ANGPTL4: variants seen among roughly 807,000 people sequenced by gnomAD.
The protein encoded by ANGPTL4 is angiopoietin like 4, also known as angiopoietin-related protein 4.
ANGPTL4 carries 39 observed loss-of-function variants against 39.2 expected under a neutral mutation model. That is an observed-to-expected ratio of 1.00 (90% CI 0.77 to 1.30). The LOEUF (loss-of-function observed/expected upper bound fraction) is 1.30. Ranked by LOEUF, ANGPTL4 falls within the 50% of genes most tolerant of loss-of-function variation. The probability of loss-of-function intolerance (pLI) is 0.00; values close to 1 mark genes in which losing one functional copy is unlikely to be tolerated. For synonymous variants in ANGPTL4, 233 were observed against 229.5 expected, an observed-to-expected ratio of 1.02 and a Z score of -0.14; for missense variants, 545 against 549.8, an observed-to-expected ratio of 0.99 and a Z score of 0.09.
rs775389766 is a variant in ANGPTL4, at chr19:8,364,606, C to T, written c.285C>T (p.Ser95=). ...GSTDLPLAPE[S]RVDPEVLHSL... is the part of the protein sequence containing the mutation. ...CCGACCTCCCGTTAGCCCCTGAGAG[C>T]CGGGTGGACCCTGAGGTCCTTCACA... Residue 95 remains serine, a synonymous_variant, in exon 1 of 7, where the codon AGC becomes AGT. Transcript: ENST00000301455. 2.5e-6 allele frequency: 4 copies of T among 1,592,390 alleles called. No individual in the cohort carries two copies. Among genetic ancestry groups the T allele is most frequent in the Non-Finnish European group, 3.4e-6 (4 of 1,170,626 alleles).
chr19:8,369,373 G>A (rs1401905488), intron 4 of ANGPTL4, 41 bp downstream of exon 4: 1 of 1,438,622 alleles, frequency 7.0e-7, no homozygotes, highest in Non-Finnish European at 9.7e-7. Flanking sequence ...CTCCCCATAG[G>A]CCCTGTTGTC....
Position 8,366,075 on chromosome 19 carries a change from G to A in ANGPTL4, c.429+11G>A. On this transcript the variant is annotated intron_variant, in intron 2 of 6. Coordinates refer to ENST00000301455, the MANE Select transcript of ANGPTL4 (RefSeq NM_139314.3). Reference sequence around the variant, plus strand: ...CATCTGCAAAGCCAGGTAACCCTAGGATCAAGGGAGAAAAGGTCCCTCTGA... The same window carrying A: ...CATCTGCAAAGCCAGGTAACCCTAGAATCAAGGGAGAAAAGGTCCCTCTGA... 2 of 1,613,646 alleles carry A rather than the reference G, an allele frequency of 1.2e-6. No individual in the cohort carries two copies. Among genetic ancestry groups the A allele is most frequent in the South Asian group, 2.2e-5 (2 of 91,052 alleles).
chr19:8,373,990 C>A lies in ANGPTL4; in HGVS notation c.*104C>A. On this transcript the variant is annotated 3_prime_UTR_variant, in exon 7 of 7. Transcript: ENST00000301455. ...CTGGGCAGGGGCTCCAAGGAGGGGC[C>A]ATCTGGAAACTTGTGGACAGAGAAG... The A allele has an allele frequency of 7.6e-7, 1 of 1,307,544 alleles. No individual in the cohort carries two copies. The highest frequency in any genetic ancestry group is 1.1e-6 in the Non-Finnish European group (1 of 920,454). The allele number at this position is 1,307,544 out of a possible 1,614,324, so 81.0% of individuals were successfully genotyped here. A position where few individuals can be genotyped will look rare whatever the true frequency, so the allele number is the denominator to read the frequency against.
chr19:8,366,735 C>G (rs1052299635), intron 3 of ANGPTL4, among the ~76,000 whole-genome samples: 6 of 151,942 alleles, frequency 3.9e-5, no homozygotes, highest in Non-Finnish European at 7.4e-5. Flanking sequence ...TTTGGGCCCT[C>G]CACAATGTCT....
At position 8,371,191 on chromosome 19, in the gene ANGPTL4, G is replaced by C; in HGVS notation, c.757+40G>C. The C allele has an allele frequency of 6.2e-7, 1 of 1,614,092 alleles. No homozygotes were observed. The highest frequency in any genetic ancestry group is 8.5e-7 in the Non-Finnish European group (1 of 1,180,018). ...TGGGGACAGAGGCAGGGGAGGAAGA[G>C]GGACCCTCAGAAGTGGCCCTGCCTC... is the stretch of plus-strand genomic sequence containing the variant. On this transcript the variant is annotated intron_variant, in intron 5 of 6. Coordinates refer to ENST00000301455, the MANE Select transcript of ANGPTL4 (RefSeq NM_139314.3). The surrounding 1 kb of genome is among the most constrained non-coding windows in gnomAD (Gnocchi z 5.1).
At chr19:8,370,921 C>G (rs1272179189) in intron 4 of ANGPTL4, 135 bp from the exon 5 acceptor site, 17 of 968,152 alleles carry the variant, frequency 1.8e-5, no homozygotes, top group Admixed American at 4.0e-5. Context: ...CCACCCTCCT[C>G]GAGTCCTCCA....
intron 4 of ANGPTL4, 75 bp from the exon 5 acceptor site, chr19:8,370,981 G>A: frequency 6.6e-7 from 1 of 1,512,630 alleles, no homozygotes; most frequent in Non-Finnish European, 9.0e-7. Context: ...GGGGTTTGGT[G>A]CTTGGCAGCC....
intron 6 of ANGPTL4, among the ~76,000 whole-genome samples, chr19:8,373,031 G>A (rs1161000251): frequency 6.6e-6 from 1 of 152,206 alleles, no homozygotes; most frequent in African/African-American, 2.4e-5. Context: ...CACTTTGGGA[G>A]GCCGAGGTGG....
rs751529988 is a variant in ANGPTL4, at chr19:8,366,331, C to T, written c.547+12C>T. 4.3e-6 allele frequency: 7 copies of T among 1,611,896 alleles called. No individual in the cohort carries two copies. The African/African-American group carries it at 5.3e-5, about 12-fold the overall frequency. On this transcript the variant is annotated intron_variant, in intron 3 of 6. Coordinates refer to ENST00000301455, the MANE Select transcript of ANGPTL4 (RefSeq NM_139314.3). The stretch of plus-strand genomic sequence containing the variant: ...CAGCCGCCTGCACCGTGAGTGTCTG[C>T]CCCTCGATGCTCTCCGGTGGCCACC...
At chr19:8,367,606 G>A (rs553136370) in intron 3 of ANGPTL4, among the ~76,000 whole-genome samples, 1 of 152,024 alleles carries the variant, frequency 6.6e-6, no homozygotes, top group Non-Finnish European at 1.5e-5. Context: ...CTACTTTTCC[G>A]GCTGGGCTGG....
chr19:8,373,925 G>T lies in ANGPTL4; in HGVS notation c.*39G>T. ...CCTGGTCCCAGGCCCACGAAAGACGGTGACTCTTGGCTCTGCCCGAGGATG... is the reference window on the plus strand; with the variant it reads ...CCTGGTCCCAGGCCCACGAAAGACGTTGACTCTTGGCTCTGCCCGAGGATG... On this transcript the variant is annotated 3_prime_UTR_variant, in exon 7 of 7. Transcript: ENST00000301455. 6.2e-7 allele frequency: 1 copy of T among 1,605,076 alleles called. No homozygotes were observed. The highest frequency in any genetic ancestry group is 8.5e-7 in the Non-Finnish European group (1 of 1,174,728).
rs766397887 is a variant in ANGPTL4 at position 8,364,353 on chromosome 19, T to C, written c.32T>C (p.Leu11Pro). The change falls in exon 1 of 7, where the codon CTG (leucine) becomes CCG (proline). Residue 11 changes from leucine (L) to proline (P), a missense_variant. Coordinates refer to ENST00000301455, the MANE Select transcript of ANGPTL4 (RefSeq NM_139314.3). MSGAPTAGAA[L>P]MLCAATAVLL... is the part of the protein sequence containing the mutation. ...GGTGCTCCGACGGCCGGGGCAGCCC[T>C]GATGCTCTGCGCCGCCACCGCCGTG... 7.7e-6 allele frequency: 12 copies of C among 1,549,024 alleles called. No individual in the cohort carries two copies. The East Asian group carries it at 2.9e-4, about 37-fold the overall frequency.
At position 8,373,927 on chromosome 19, in the gene ANGPTL4, G is replaced by T. The variant is rs762840385; in HGVS notation, c.*41G>T. 2.5e-6 allele frequency: 4 copies of T among 1,603,962 alleles called. No individual in the cohort carries two copies. The East Asian group carries it at 8.9e-5, about 36-fold the overall frequency. ...TGGTCCCAGGCCCACGAAAGACGGT[G>T]ACTCTTGGCTCTGCCCGAGGATGTG... is the stretch of plus-strand genomic sequence containing the variant. On this transcript the variant is annotated 3_prime_UTR_variant, in exon 7 of 7. Transcript: ENST00000301455.
At chr19:8,372,992 G>T (rs1218047428) in intron 6 of ANGPTL4, among the ~76,000 whole-genome samples, 1 of 151,832 alleles carries the variant, frequency 6.6e-6, no homozygotes, top group East Asian at 2.0e-4. Flanking sequence ...AATAAGGCCG[G>T]GTGTGGGGGC....
At chr19:8,366,153 G>T (rs755956389) in intron 2 of ANGPTL4, 49 bp from the exon 3 acceptor site, 4 of 1,611,032 alleles carry the variant, frequency 2.5e-6, no homozygotes, top group Non-Finnish European at 3.4e-6. Context: ...GTGTGGCTGG[G>T]GACGTGGGGC....
chr19:8,373,652 C>A (rs1014361543), intron 6 of ANGPTL4, 53 bp from the exon 7 acceptor site: 2 of 1,613,020 alleles, frequency 1.2e-6, no homozygotes, highest in Non-Finnish European at 1.7e-6. Flanking sequence ...TCCTTTCAGC[C>A]CCATCGGTGG....
intron 4 of ANGPTL4, among the ~76,000 whole-genome samples, chr19:8,370,441 G>A (rs577226091): frequency 4.0e-5 from 6 of 151,822 alleles, no homozygotes; most frequent in Non-Finnish European, 5.9e-5. Flanking sequence ...GGCTGAGCAC[G>A]GTGGCTTACA....
rs73925324 is a variant in ANGPTL4, at chr19:8,374,081, C to A, written c.*195C>A. ...GGCTGCATGCGTTGCCTCCTGAGAT[C>A]GAGGCTGCAGGATATGCTCAGACTC... On this transcript the variant is annotated 3_prime_UTR_variant, in exon 7 of 7. Transcript: ENST00000301455. 2 of 615,590 alleles carry A rather than the reference C, an allele frequency of 3.2e-6. No homozygotes were observed. Among genetic ancestry groups the A allele is most frequent in the Non-Finnish European group, 5.7e-6 (2 of 350,980 alleles). The allele number at this position is 615,590 out of a possible 1,614,324, so 38.1% of individuals were successfully genotyped here. A position where few individuals can be genotyped will look rare whatever the true frequency, so the allele number is the denominator to read the frequency against.
chr19:8,369,144 C>T (rs1365713141), intron 3 of ANGPTL4, 75 bp from the exon 4 acceptor site: 11 of 1,192,770 alleles, frequency 9.2e-6, no homozygotes, highest in Non-Finnish European at 7.3e-6. Flanking sequence ...GTTAAGCCCC[C>T]AGATATGCCT....
Sources: allele counts gnomAD v4.1 joint callset (sites outside exome capture counted in the v4.1 genomes callset), GRCh38; gene constraint gnomAD v4.1.1; non-coding constraint Gnocchi (gnomAD v3.1); transcripts MANE v1.5; gene names NCBI Gene and HGNC (gene_info 2026-07-23, HGNC 2026-07-21).